CD180: variants seen among roughly 807,000 people sequenced by gnomAD.
The protein encoded by CD180 is CD180 antigen.
In CD180, 11 loss-of-function variants were observed where a neutral mutation model predicts 10.7. The ratio of observed to expected loss-of-function variants is 1.03; its 90% CI spans 0.65 to 1.70. The LOEUF is 1.70. Ranked by LOEUF, CD180 falls within the 40% of genes most tolerant of loss-of-function variation. The pLI is 0.00. For missense variants in CD180, 729 were observed against 775.2 expected (o/e 0.94, Z 0.71); for synonymous variants, 286 against 294.6 (o/e 0.97, Z 0.30).
rs758239577 is a variant in CD180, at chr5:67,185,864, A to G, written c.244T>C (p.Leu82=). The G allele has an allele frequency of 1.3e-6, 2 of 1,597,348 alleles. No individual in the cohort carries two copies. Among genetic ancestry groups the G allele is most frequent in the East Asian group, 2.2e-5 (1 of 44,484 alleles). The change falls in exon 2 of 3, where the codon TTG becomes CTG. Residue 82 remains leucine, a synonymous_variant. Coordinates refer to ENST00000256447, the MANE Select transcript of CD180 (RefSeq NM_005582.3). The part of the protein sequence containing the change: ...TFSRLMNLTF[L]DLTRCQINWI... ...TCAGATACATACCTAGTTAAATCCA[A>G]AAAGGTAAGATTCATGAGTCTGCTG...
intron 1 of CD180, 88 bp from the exon 2 acceptor site, chr5:67,186,105 G>A (rs1056917008): frequency 3.3e-5 from 27 of 822,782 alleles, no homozygotes; most frequent in Middle Eastern, 3.7e-4. Context: ...CCTTCCGAGC[G>A]GCAATCGTAC....
At chr5:67,190,871 C>A in intron 1 of CD180, 1 of 936,562 alleles carries the variant, frequency 1.1e-6, no homozygotes, top group Non-Finnish European at 1.3e-6. Flanking sequence ...ATTTTCTTTC[C>A]TTGCAAGTGT....
At chr5:67,188,038 C>T (rs954808666) in intron 1 of CD180, among the ~76,000 whole-genome samples, 25 of 152,004 alleles carry the variant, frequency 1.6e-4, no homozygotes, top group African/African-American at 4.6e-4. Context: ...GGCGTGGTTG[C>T]GCATGCCTGT....
chr5:67,186,409 T>A (rs1427078591), intron 1 of CD180: 1 of 152,698 alleles, frequency 6.5e-6, no homozygotes, highest in African/African-American at 2.4e-5. Flanking sequence ...GTATGTAGTA[T>A]AATGTACAGA....
At position 67,196,139 on chromosome 5, in the gene CD180, G is replaced by T. The variant is rs117062397; in HGVS notation, c.90+413C>A. Among the ~76,000 whole-genome samples the T allele has an allele frequency of 5.3e-5, 8 of 152,318 alleles. No individual in the cohort carries two copies. In the East Asian group the frequency reaches 1.3e-3, roughly 26 times the overall value. On this transcript the variant is annotated intron_variant, in intron 1 of 2. Transcript: ENST00000256447. ...TTTCAATGCTCGAAAACCTGGCACA[G>T]CGCTGTCTTTACTAATTCTCACCCT...
intron 1 of CD180, 128 bp from the exon 2 acceptor site, chr5:67,186,145 G>A: frequency 1.8e-6 from 1 of 560,800 alleles, no homozygotes; most frequent in Middle Eastern, 5.0e-4. Flanking sequence ...ATATACACTT[G>A]CCAAAAACAA....
At chr5:67,187,316 T>A (rs1156414243) in intron 1 of CD180, among the ~76,000 whole-genome samples, 1 of 152,214 alleles carries the variant, frequency 6.6e-6, no homozygotes, top group East Asian at 1.9e-4. Context: ...TTTAACATTT[T>A]TTTCTTAACA....
Position 67,179,996 on chromosome 5 carries a change from G to A in CD180, c.*2861C>T, listed in dbSNP as rs1742007040. The A allele has an allele frequency of 1.3e-5, 2 of 152,222 alleles. No homozygotes were observed. The highest frequency in any genetic ancestry group is 1.3e-4 in the Admixed American group (2 of 15,284). The allele number at this position is 152,222 out of a possible 1,614,324, so 9.4% of individuals were successfully genotyped here. A position where few individuals can be genotyped will look rare whatever the true frequency, so the allele number is the denominator to read the frequency against. On this transcript the variant is annotated 3_prime_UTR_variant, in exon 3 of 3. Coordinates refer to ENST00000256447, the MANE Select transcript of CD180 (RefSeq NM_005582.3). ...TACATAAAACCAATAAACACACCAT[G>A]TTACAGAGTCTATCCTAGTAAACAG...
At position 67,184,200 on chromosome 5, in the gene CD180, C is replaced by G; in HGVS notation, c.643G>C (p.Glu215Gln). 3 of 1,614,132 alleles carry G rather than the reference C, an allele frequency of 1.9e-6. No individual in the cohort carries two copies. The highest frequency in any genetic ancestry group is 2.5e-6 in the Non-Finnish European group (3 of 1,180,040). ...NFNGNNVKGI[E>Q]LGAFDSTIFQ... is the part of the protein sequence containing the mutation. Reference sequence around the variant, plus strand: ...ATCGTTGAATCAAAAGCCCCAAGCTCAATACCTTTAACATTATTGCCATTG... The same window carrying G: ...ATCGTTGAATCAAAAGCCCCAAGCTGAATACCTTTAACATTATTGCCATTG... The change falls in exon 3 of 3, where the codon GAG (glutamate) becomes CAG (glutamine). Residue 215 changes from glutamate (E) to glutamine (Q), a missense_variant. By Grantham distance (29) the Glu-to-Gln change is conservative. Transcript: ENST00000256447.
chr5:67,190,311 T>C lies in CD180; in HGVS notation c.91-4294A>G, dbSNP rs115764490. Among the ~76,000 whole-genome samples the C allele has an allele frequency of 3.0e-3, 457 of 152,270 alleles. 2 individuals carry two copies. Among genetic ancestry groups the C allele is most frequent in the Non-Finnish European group, 5.5e-3 (376 of 68,020 alleles). ...CCAGGGTTCCAGAACAGCACAACGG[T>C]AATGCAACAGAGAGTGAAAGGACAA... On this transcript the variant is annotated intron_variant, in intron 1 of 2. Transcript: ENST00000256447.
intron 1 of CD180, chr5:67,191,048 T>C (rs879476374): frequency 1.0e-6 from 1 of 985,228 alleles, no homozygotes; most frequent in Non-Finnish European, 1.2e-6. Context: ...CCATCCAAGA[T>C]AGAGCAAGTC....
chr5:67,191,161 G>T, intron 1 of CD180: 1 of 892,588 alleles, frequency 1.1e-6, no homozygotes, highest in Non-Finnish European at 1.3e-6. Flanking sequence ...ATTCCTCCAG[G>T]CAAAGGGCAT....
At chr5:67,195,416 C>A (rs1009220331) in intron 1 of CD180, among the ~76,000 whole-genome samples, 5 of 152,168 alleles carry the variant, frequency 3.3e-5, no homozygotes, top group African/African-American at 1.2e-4. Flanking sequence ...GGGGTTTTGC[C>A]ATGTTGCCCA....
chr5:67,187,462 G>A (rs903515524), intron 1 of CD180, among the ~76,000 whole-genome samples: 5 of 152,194 alleles, frequency 3.3e-5, no homozygotes, highest in African/African-American at 9.7e-5. Context: ...CTACACATAA[G>A]TACAGATAAC....
rs1742141470 is a variant in CD180, at chr5:67,184,485, AT to A, written c.357del (p.Ser120ArgfsTer8). 6.2e-7 allele frequency: 1 copy of A among 1,614,128 alleles called. No homozygotes were observed. The highest frequency in any genetic ancestry group is 8.5e-7 in the Non-Finnish European group (1 of 1,179,970). On this transcript the variant is annotated frameshift_variant, in exon 3 of 3. Coordinates refer to ENST00000256447, the MANE Select transcript of CD180 (RefSeq NM_005582.3). LOFTEE classifies it low-confidence loss of function (END_TRUNC). ...TTCAGTGACTTGGGCCCATTAAGCG[AT>A]GTTTCTGCCATGAATATCAGGGGAT... ...TGNPLIFMAE[T>X]SLNGPKSLKH...
chr5:67,192,941 C>T lies in CD180; in HGVS notation c.90+3611G>A, dbSNP rs575180885. Among the ~76,000 whole-genome samples, 60 of 152,320 alleles carry T rather than the reference C, an allele frequency of 3.9e-4. 1 individual carries two copies. In the South Asian group the frequency reaches 9.3e-3, roughly 24 times the overall value. ...CCTGAACCAACCAATCAGGGCTCAG[C>T]TTTATCAACCAGTCAGGGTCCAGCT... is the stretch of plus-strand genomic sequence containing the variant. On this transcript the variant is annotated intron_variant, in intron 1 of 2. Transcript: ENST00000256447.
chr5:67,182,678 G>T lies in CD180; in HGVS notation c.*179C>A, dbSNP rs538796184. Reference sequence around the variant, plus strand: ...CTGAGTCATTCGGTGTACTTGCCTAGAAGGTTCTTTAGCTCTGGGACTCAC... The same window carrying T: ...CTGAGTCATTCGGTGTACTTGCCTATAAGGTTCTTTAGCTCTGGGACTCAC... On this transcript the variant is annotated 3_prime_UTR_variant, in exon 3 of 3. Coordinates refer to ENST00000256447, the MANE Select transcript of CD180 (RefSeq NM_005582.3). The T allele has an allele frequency of 2.0e-4, 111 of 559,222 alleles. 3 individuals carry two copies. In the South Asian group the frequency reaches 2.5e-3, roughly 13 times the overall value. The allele number at this position is 559,222 out of a possible 1,614,324, so 34.6% of individuals were successfully genotyped here. A position where few individuals can be genotyped will look rare whatever the true frequency, so the allele number is the denominator to read the frequency against.
Position 67,184,587 on chromosome 5 carries a change from T to G in CD180, c.258-2A>C. The G allele has an allele frequency of 6.3e-7, 1 of 1,576,448 alleles. No homozygotes were observed. Among genetic ancestry groups the G allele is most frequent in the Non-Finnish European group, 8.7e-7 (1 of 1,155,242 alleles). ...TCATGTATCCAGTTAATCTGGCACC[T>G]TGAAAAGATAATCGTATTTAACAAT... On this transcript the variant is annotated splice_acceptor_variant, in intron 2 of 2. Transcript: ENST00000256447. LOFTEE classifies it high-confidence loss of function.
Position 67,184,368 on chromosome 5 carries a change from T to G in CD180, c.475A>C (p.Asn159His). 2 of 1,614,052 alleles carry G rather than the reference T, an allele frequency of 1.2e-6. No homozygotes were observed. Among genetic ancestry groups the G allele is most frequent in the South Asian group, 2.2e-5 (2 of 91,078 alleles). Residue 159 changes from asparagine (N) to histidine (H), a missense_variant, in exon 3 of 3, where the codon AAC (asparagine) becomes CAC (histidine). Coordinates refer to ENST00000256447, the MANE Select transcript of CD180 (RefSeq NM_005582.3). ...ENLESLYLGSNHISSIKFPKD... is the reference protein window; with the variant it reads ...ENLESLYLGSHHISSIKFPKD... ...GGGAACTTAATGGAGGAAATATGGT[T>G]GCTTCCAAGATACAAGCTTTCCAAG...
Sources: gnomAD v4.1 joint callset for allele counts (sites outside exome capture counted in the v4.1 genomes callset) on GRCh38, gnomAD v4.1.1 for gene constraint, MANE v1.5 for transcripts, NCBI Gene and HGNC (gene_info 2026-07-23, HGNC 2026-07-21) for gene names.